The following HDAC9 variants were observed in gnomAD, a reference collection of about 807,000 sequenced individuals.
HDAC9 encodes MEF-2 interacting transcription repressor (MITR) protein.
Under a neutral mutation model 139.4 loss-of-function variants are expected in HDAC9, and 41 were observed. The ratio of observed to expected loss-of-function variants is 0.29; its 90% CI spans 0.23 to 0.38. The LOEUF (loss-of-function observed/expected upper bound fraction) is 0.38. Ranked by LOEUF, HDAC9 falls within the 10% of genes least tolerant of loss-of-function variation. The pLI is 1.00. For synonymous variants in HDAC9, 517 were observed against 476.2 expected (o/e 1.09, Z -1.12); for missense variants, 1,147 against 1,297.0 (o/e 0.88, Z 1.78).
At chr7:18,978,388 C>T (rs28634669) in intron 25 of HDAC9, among the ~76,000 whole-genome samples, 1 of 152,022 alleles carries the variant, frequency 6.6e-6, no homozygotes, top group African/African-American at 2.4e-5. Context: ...GTTCGTTTTT[C>T]TTGGATGGGG....
At chr7:18,201,041 A>T (rs1791079799) in intron 2 of HDAC9, among the ~76,000 whole-genome samples, 1 of 152,174 alleles carries the variant, frequency 6.6e-6, no homozygotes, top group Non-Finnish European at 1.5e-5. Context: ...CGTTTTACAC[A>T]TAAGGGGAGC....
At chr7:18,617,106 C>T (rs189183609) in intron 6 of HDAC9, among the ~76,000 whole-genome samples, 1 of 152,108 alleles carries the variant, frequency 6.6e-6, no homozygotes, top group East Asian at 1.9e-4. Context: ...GTTAAATCTC[C>T]CCTTTCTTAT....
chr7:18,878,852 G>A (rs1799516588), intron 22 of HDAC9, among the ~76,000 whole-genome samples: 1 of 152,144 alleles, frequency 6.6e-6, no homozygotes, highest in Non-Finnish European at 1.5e-5. Flanking sequence ...ATCCAAATAG[G>A]AAGAGAGGAA....
intron 22 of HDAC9, among the ~76,000 whole-genome samples, chr7:18,899,676 A>T (rs556442183): frequency 6.6e-6 from 1 of 152,110 alleles, no homozygotes; most frequent in South Asian, 2.1e-4. Flanking sequence ...ACAGTCTTTA[A>T]AAATCTATAA....
At chr7:18,095,184 C>T (rs1426136477) in intron 1 of HDAC9, among the ~76,000 whole-genome samples, 1 of 152,114 alleles carries the variant, frequency 6.6e-6, no homozygotes, top group East Asian at 1.9e-4. Flanking sequence ...TCACTGGGCC[C>T]AGTGTATGTC....
intron 1 of HDAC9, among the ~76,000 whole-genome samples, chr7:18,310,759 A>T (rs1799256066): frequency 6.6e-6 from 1 of 151,004 alleles, no homozygotes; most frequent in Non-Finnish European, 1.5e-5. Context: ...AATCAGGGGA[A>T]AGAGAAGTTG....
chr7:18,292,998 T>A (rs1033278587), intron 1 of HDAC9, among the ~76,000 whole-genome samples: 3 of 152,144 alleles, frequency 2.0e-5, no homozygotes, highest in Non-Finnish European at 4.4e-5. Context: ...TTTTAAATTT[T>A]TTTTTTTCTT....
At chr7:18,558,316 A>T (rs1347251590) in intron 2 of HDAC9, among the ~76,000 whole-genome samples, 45 of 152,152 alleles carry the variant, frequency 3.0e-4, no homozygotes, top group Non-Finnish European at 1.5e-4. Flanking sequence ...TTTCTTTCAT[A>T]GGCCATTGGT....
intron 16 of HDAC9, among the ~76,000 whole-genome samples, chr7:18,786,017 A>T (rs1309950720): frequency 6.6e-6 from 1 of 152,178 alleles, no homozygotes; most frequent in Admixed American, 6.5e-5. Context: ...AAATAACTTT[A>T]TAGAGTAGGG....
At chr7:18,371,938 T>A (rs1784624406) in intron 1 of HDAC9, among the ~76,000 whole-genome samples, 1 of 152,206 alleles carries the variant, frequency 6.6e-6, no homozygotes. Context: ...AACTGCTATA[T>A]CCTGGGCTTC....
At chr7:18,861,733 C>G (rs1003672177) in intron 21 of HDAC9, among the ~76,000 whole-genome samples, 1 of 152,082 alleles carries the variant, frequency 6.6e-6, no homozygotes, top group African/African-American at 2.4e-5. Flanking sequence ...ATTTTTTAAA[C>G]ACATAGCATT....
chr7:18,648,117 C>A, intron 10 of HDAC9, 119 bp downstream of exon 10: 1 of 772,692 alleles, frequency 1.3e-6, no homozygotes, highest in Non-Finnish European at 2.0e-6. Context: ...ACAAAAGTTT[C>A]CCTGATACCT....
chr7:18,348,212 T>C (rs1032773632), intron 1 of HDAC9, among the ~76,000 whole-genome samples: 4 of 152,198 alleles, frequency 2.6e-5, no homozygotes, highest in African/African-American at 9.7e-5. Flanking sequence ...GGGAAACATT[T>C]ATCTGATTTA....
intron 1 of HDAC9, among the ~76,000 whole-genome samples, chr7:18,351,320 G>A (rs1374112123): frequency 6.6e-6 from 1 of 151,798 alleles, no homozygotes; most frequent in East Asian, 1.9e-4. Context: ...TTAATGACTT[G>A]GTAAAATTTG....
chr7:18,717,775 C>A (rs1784816464), intron 12 of HDAC9, among the ~76,000 whole-genome samples: 2 of 151,586 alleles, frequency 1.3e-5, no homozygotes. Flanking sequence ...TACAGATGTA[C>A]AAATATAAAA....
rs775123284 is a variant in HDAC9, at chr7:18,826,240, T to A, written c.2323-2921T>A. ...TTGTGGGGGTAGGTGCAGTGGACTT[T>A]GTGCTCTCAAAGCAGCAGTGAAGAA... On this transcript the variant is annotated intron_variant, in intron 17 of 25. Transcript: ENST00000686413. 4.6e-5 allele frequency among the ~76,000 whole-genome samples: 7 copies of A among 152,166 alleles called. No individual in the cohort carries two copies. The South Asian group carries it at 6.2e-4, about 14-fold the overall frequency.
intron 13 of HDAC9, among the ~76,000 whole-genome samples, chr7:18,745,138 A>C (rs1389888219): frequency 6.6e-6 from 1 of 152,154 alleles, no homozygotes; most frequent in Admixed American, 6.5e-5. Context: ...CTATAAGTCC[A>C]TGTTTCTGAG....
chr7:18,683,833 C>T (rs1478102534), intron 12 of HDAC9, among the ~76,000 whole-genome samples: 2 of 151,998 alleles, frequency 1.3e-5, no homozygotes, highest in African/African-American at 4.8e-5. Flanking sequence ...CGTGTAATTT[C>T]TATGATATGC....
chr7:18,581,826 T>C (rs1827925124), intron 2 of HDAC9, among the ~76,000 whole-genome samples: 1 of 152,228 alleles, frequency 6.6e-6, no homozygotes, highest in Non-Finnish European at 1.5e-5. Context: ...AGGCCATCAT[T>C]CTAATTTGCA....
Sources: allele counts gnomAD v4.1 joint callset (sites outside exome capture counted in the v4.1 genomes callset), GRCh38; gene constraint gnomAD v4.1.1; transcripts MANE v1.5; gene names NCBI Gene and HGNC (gene_info 2026-07-23, HGNC 2026-07-21).